Variants in ATP8A2 observed in about 807,000 individuals in gnomAD.
The protein encoded by ATP8A2 is ATPase phospholipid transporting 8A2.
ATP8A2 carries 100 observed loss-of-function variants against 165.6 expected under a neutral mutation model. That is an observed-to-expected ratio of 0.60 (90% CI 0.51 to 0.71). ATP8A2 has a LOEUF of 0.71. ATP8A2 is among the 30% of genes least tolerant of loss of function. The pLI, the probability that ATP8A2 is intolerant of heterozygous loss-of-function variation, is 0.00. For missense variants in ATP8A2, 1,227 were observed against 1,479.5 expected (o/e 0.83, Z 2.80); for synonymous variants, 543 against 548.8 (o/e 0.99, Z 0.15).
At chr13:25,449,024 CA>C (rs1039374549) in intron 1 of ATP8A2, among the ~76,000 whole-genome samples, 10 of 151,604 alleles carry the variant, frequency 6.6e-5, no homozygotes, top group South Asian at 2.1e-4. Flanking sequence ...ACAATACTGC[CA>C]AAAAAAATCC....
In ATP8A2 at chr13:25,969,189, G is replaced by A. The variant is rs1955857048; in HGVS notation, c.3377+510G>A. Among the ~76,000 whole-genome samples the A allele has an allele frequency of 1.3e-5, 2 of 152,226 alleles. 1 individual carries two copies. The highest frequency in any genetic ancestry group is 4.1e-4 in the South Asian group (2 of 4,832). On this transcript the variant is annotated intron_variant, in intron 35 of 36. Transcript: ENST00000381655. ...TTCTGCTGGGAGTGAAAGGAATCGTGTGAACTCCTGGAACAGACACTGCCG... is the reference window on the plus strand; with the variant it reads ...TTCTGCTGGGAGTGAAAGGAATCGTATGAACTCCTGGAACAGACACTGCCG...
At chr13:25,724,379 G>C (rs138827080) in intron 25 of ATP8A2, among the ~76,000 whole-genome samples, 1 of 152,324 alleles carries the variant, frequency 6.6e-6, no homozygotes, top group African/African-American at 2.4e-5. Context: ...AGGTCAGTCA[G>C]AGAGAGTGAA....
At chr13:25,879,208 T>G (rs977319299) in intron 33 of ATP8A2, among the ~76,000 whole-genome samples, 1 of 152,236 alleles carries the variant, frequency 6.6e-6, no homozygotes, top group African/African-American at 2.4e-5. Context: ...CTAGTGACTC[T>G]TTTTGAGAAA....
intron 1 of ATP8A2, among the ~76,000 whole-genome samples, chr13:25,442,788 C>T (rs2034967787): frequency 6.6e-6 from 1 of 152,118 alleles, no homozygotes; most frequent in Non-Finnish European, 1.5e-5. Flanking sequence ...CATTTACTTG[C>T]ATATCTTCTT....
intron 23 of ATP8A2, among the ~76,000 whole-genome samples, chr13:25,584,635 A>G (rs1255541431): frequency 1.3e-5 from 2 of 152,222 alleles, no homozygotes; most frequent in Non-Finnish European, 2.9e-5. Flanking sequence ...TACATTTCCC[A>G]GGGCTATACC....
chr13:25,487,483 T>C (rs1275163695), intron 2 of ATP8A2, among the ~76,000 whole-genome samples: 2 of 152,222 alleles, frequency 1.3e-5, no homozygotes, highest in Non-Finnish European at 1.5e-5. Flanking sequence ...TTTTTGAAGA[T>C]TAAATGAGTT....
chr13:25,714,958 G>C (rs188637886), intron 25 of ATP8A2, among the ~76,000 whole-genome samples: 7 of 152,280 alleles, frequency 4.6e-5, no homozygotes, highest in Non-Finnish European at 7.3e-5. Flanking sequence ...TAAGATCTCT[G>C]CTTGGACACT....
At chr13:25,712,250 G>A (rs1339245666) in intron 25 of ATP8A2, among the ~76,000 whole-genome samples, 1 of 152,180 alleles carries the variant, frequency 6.6e-6, no homozygotes, top group African/African-American at 2.4e-5. Flanking sequence ...TGTCCACAGA[G>A]TTCCCCATTA....
At chr13:25,984,621 CAACA>C (rs1956238579) in intron 35 of ATP8A2, among the ~76,000 whole-genome samples, 1 of 147,796 alleles carries the variant, frequency 6.8e-6, no homozygotes, top group African/African-American at 2.6e-5. Flanking sequence ...CAAACAAAAA[CAACA>C]AACAAAAACG....
intron 29 of ATP8A2, 112 bp from the exon 30 acceptor site, chr13:25,839,434 G>T: frequency 1.0e-5 from 7 of 694,814 alleles, no homozygotes; most frequent in East Asian, 2.6e-5. Context: ...TGCTACTCCT[G>T]GAACCGTGCA....
intron 24 of ATP8A2, among the ~76,000 whole-genome samples, chr13:25,691,284 G>A (rs6491086): frequency 0.31 from 47,362 of 151,954 alleles, 7,816 homozygotes; most frequent in South Asian, 0.46. Context: ...ACCTGACTCT[G>A]TACCTTTGGC....
chr13:25,674,875 G>A (rs17487759), intron 24 of ATP8A2, among the ~76,000 whole-genome samples: 8 of 152,214 alleles, frequency 5.3e-5, no homozygotes, highest in Admixed American at 3.9e-4. Context: ...TTTCTCACTC[G>A]CCTTCAAAAG....
intron 19 of ATP8A2, among the ~76,000 whole-genome samples, chr13:25,575,893 G>T (rs116425048): frequency 6.6e-6 from 1 of 152,168 alleles, no homozygotes; most frequent in Non-Finnish European, 1.5e-5. Flanking sequence ...AGGAGGAGGA[G>T]AAAAGGGAGT....
intron 27 of ATP8A2, among the ~76,000 whole-genome samples, chr13:25,802,818 A>G (rs1264294969): frequency 6.6e-6 from 1 of 152,192 alleles, no homozygotes; most frequent in Non-Finnish European, 1.5e-5. Context: ...TTCAGTGGTT[A>G]CTGCCTCACT....
intron 25 of ATP8A2, among the ~76,000 whole-genome samples, chr13:25,721,723 T>C (rs1262952222): frequency 6.6e-6 from 1 of 152,220 alleles, no homozygotes; most frequent in African/African-American, 2.4e-5. Context: ...TCTGTCTTCT[T>C]CCACTTACGA....
chr13:25,712,097 C>T (rs1238472797), intron 25 of ATP8A2, among the ~76,000 whole-genome samples: 2 of 152,130 alleles, frequency 1.3e-5, no homozygotes, highest in East Asian at 1.9e-4. Flanking sequence ...TGGTTAGTCA[C>T]CATAGTGTAC....
intron 24 of ATP8A2, among the ~76,000 whole-genome samples, chr13:25,682,737 G>T (rs2042518736): frequency 6.6e-6 from 1 of 152,080 alleles, no homozygotes; most frequent in South Asian, 2.1e-4. Context: ...TATGTGTATT[G>T]GTTTACAACA....
In ATP8A2 at chr13:26,020,864, A is replaced by G. The variant is rs1409854565; in HGVS notation, c.*879A>G. On this transcript the variant is annotated 3_prime_UTR_variant, in exon 37 of 37. Transcript: ENST00000381655. ...AACATAGCCTTTCTGCATATATTCT[A>G]AACGTCTCTCTGCCTCTGTCTGACA... 6.6e-6 allele frequency: 1 copy of G among 152,286 alleles called. No individual in the cohort carries two copies. Among genetic ancestry groups the G allele is most frequent in the Non-Finnish European group, 1.5e-5 (1 of 68,090 alleles). The allele number at this position is 152,286 out of a possible 1,614,324, so 9.4% of individuals were successfully genotyped here. A position where few individuals can be genotyped will look rare whatever the true frequency, so the allele number is the denominator to read the frequency against.
intron 33 of ATP8A2, among the ~76,000 whole-genome samples, chr13:25,884,730 T>C (rs1023420918): frequency 3.3e-5 from 5 of 152,154 alleles, no homozygotes; most frequent in African/African-American, 1.2e-4. Flanking sequence ...AAAAGTAAAA[T>C]TCGTGAGAAT....
Sources: gnomAD v4.1 joint callset for allele counts (sites outside exome capture counted in the v4.1 genomes callset) on GRCh38, gnomAD v4.1.1 for gene constraint, MANE v1.5 for transcripts, NCBI Gene and HGNC (gene_info 2026-07-23, HGNC 2026-07-21) for gene names.